GATB: variants seen among roughly 807,000 people sequenced by gnomAD.
GATB encodes glutamyl-tRNA amidotransferase subunit B.
In GATB, 39 loss-of-function variants were observed where a neutral mutation model predicts 62.3. The observed-to-expected ratio is 0.63, with a 90% confidence interval of 0.48 to 0.82. The LOEUF is 0.82. Among genes scored for constraint, GATB ranks in the 40% least tolerant of loss-of-function variants. The pLI is 0.00. For missense variants in GATB, 670 were observed against 684.0 expected (o/e 0.98, Z 0.23); for synonymous variants, 276 against 258.9 (o/e 1.07, Z -0.63).
chr4:151,747,332 G>A (rs190206023), intron 2 of GATB, among the ~76,000 whole-genome samples: 403 of 152,314 alleles, frequency 2.6e-3, no homozygotes, highest in Middle Eastern at 6.8e-3. Context: ...CCACCAACTG[G>A]AGGGGTTGCT....
chr4:151,671,288 C>G lies in GATB; in HGVS notation c.1560G>C (p.Lys520Asn), dbSNP rs1210466394. 2 of 1,609,964 alleles carry G rather than the reference C, an allele frequency of 1.2e-6. No individual in the cohort carries two copies. Among genetic ancestry groups the G allele is most frequent in the Non-Finnish European group, 1.7e-6 (2 of 1,179,462 alleles). ...EAHPQVVMDVKNRNPRAINKL... is the reference protein window; with the variant it reads ...EAHPQVVMDVNNRNPRAINKL... ...TATTTATAGCTCTGGGGTTTCTGTT[C>G]TTCACATCCATTACCTAGAAGGACA... Residue 520 changes from lysine (K) to asparagine (N), a missense_variant, in exon 13 of 13, where the codon AAG becomes AAC. Physicochemically the swap from Lys to Asn is moderately conservative, Grantham distance 94 (BLOSUM62 0). Coordinates refer to ENST00000263985, the MANE Select transcript of GATB (RefSeq NM_004564.3).
intron 11 of GATB, chr4:151,675,053 C>G (rs1297994318): frequency 6.6e-6 from 1 of 152,290 alleles, no homozygotes. Flanking sequence ...ACGGGACCCA[C>G]AGCTCGAATG....
At chr4:151,728,562 A>G (rs2126984466) in intron 2 of GATB, among the ~76,000 whole-genome samples, 1 of 152,330 alleles carries the variant, frequency 6.6e-6, no homozygotes, top group Non-Finnish European at 1.5e-5. Flanking sequence ...GCTAAAACAC[A>G]AACTCATTCA....
intron 12 of GATB, among the ~76,000 whole-genome samples, chr4:151,672,155 A>ATCTC (rs1476343122): frequency 6.6e-6 from 1 of 152,194 alleles, no homozygotes; most frequent in Non-Finnish European, 1.5e-5. Flanking sequence ...CTGAAAAAAT[A>ATCTC]TCTCTAGACA....
At chr4:151,737,346 CTT>C (rs1739396603) in intron 2 of GATB, among the ~76,000 whole-genome samples, 1 of 152,144 alleles carries the variant, frequency 6.6e-6, no homozygotes, top group Non-Finnish European at 1.5e-5. Flanking sequence ...ATGTGTGGAA[CTT>C]TGAACTTGAG....
chr4:151,709,150 T>A (rs1467551794), intron 5 of GATB, among the ~76,000 whole-genome samples: 1 of 152,210 alleles, frequency 6.6e-6, no homozygotes, highest in Non-Finnish European at 1.5e-5. Flanking sequence ...AGCAAAAGCA[T>A]ATTAAAATAA....
rs140811555 is a variant in GATB, at chr4:151,725,259, G to A, written c.328-5721C>T. 1.1e-4 allele frequency among the ~76,000 whole-genome samples: 16 copies of A among 152,346 alleles called. No homozygotes were observed. The East Asian group carries it at 3.1e-3, about 29-fold the overall frequency. ...CTCTAGTCTTCTATCAGAGCCTCCT[G>A]CTGGCCTAACCCAGCCAGAAGCCAG... On this transcript the variant is annotated intron_variant, in intron 2 of 12. Coordinates refer to ENST00000263985, the MANE Select transcript of GATB (RefSeq NM_004564.3).
At chr4:151,699,267 G>A (rs1333924111) in intron 9 of GATB, among the ~76,000 whole-genome samples, 12 of 151,572 alleles carry the variant, frequency 7.9e-5, no homozygotes. Flanking sequence ...CGCATGCCTG[G>A]AATCCCAGCT....
intron 9 of GATB, among the ~76,000 whole-genome samples, chr4:151,695,064 G>T (rs1738440598): frequency 6.6e-6 from 1 of 152,216 alleles, no homozygotes; most frequent in Non-Finnish European, 1.5e-5. Flanking sequence ...CAAGCATATG[G>T]CAGCCCAGGG....
chr4:151,680,276 C>CT (rs1738112732), intron 10 of GATB, among the ~76,000 whole-genome samples: 2 of 112,378 alleles, frequency 1.8e-5, no homozygotes, highest in Admixed American at 1.8e-4. Flanking sequence ...CTAAAAATTA[C>CT]TTAAAAAAAA....
At chr4:151,695,584 T>G (rs1310720961) in intron 9 of GATB, among the ~76,000 whole-genome samples, 1 of 152,070 alleles carries the variant, frequency 6.6e-6, no homozygotes, top group East Asian at 1.9e-4. Flanking sequence ...ACCGACGAGC[T>G]TCAGATCTTC....
intron 10 of GATB, among the ~76,000 whole-genome samples, chr4:151,680,326 G>A (rs112377746): frequency 4.7e-5 from 7 of 150,504 alleles, no homozygotes; most frequent in African/African-American, 1.5e-4. Flanking sequence ...GAGTGTTTCT[G>A]TGCAAATATA....
At chr4:151,713,115 T>C (rs1332935675) in intron 5 of GATB, among the ~76,000 whole-genome samples, 3 of 152,040 alleles carry the variant, frequency 2.0e-5, no homozygotes, top group Admixed American at 2.0e-4. Flanking sequence ...GTGCTCCTTA[T>C]AAGAATCTAC....
chr4:151,677,903 T>C (rs1456585571), intron 11 of GATB: 1 of 152,218 alleles, frequency 6.6e-6, no homozygotes, highest in African/African-American at 2.4e-5. Flanking sequence ...ACTTCAGTTT[T>C]TGAAAGTCTT....
intron 6 of GATB, among the ~76,000 whole-genome samples, chr4:151,707,454 T>A (rs1738736609): frequency 2.0e-5 from 3 of 152,176 alleles, no homozygotes. Context: ...CCACCATGCC[T>A]GGCTAAATTT....
intron 1 of GATB, among the ~76,000 whole-genome samples, chr4:151,760,025 T>C (rs1422538055): frequency 6.6e-6 from 1 of 152,196 alleles, no homozygotes; most frequent in Non-Finnish European, 1.5e-5. Context: ...GTACTTTCCA[T>C]TCACAAGGAA....
chr4:151,736,461 T>C (rs935744286), intron 2 of GATB, among the ~76,000 whole-genome samples: 5 of 152,362 alleles, frequency 3.3e-5, no homozygotes, highest in African/African-American at 1.2e-4. Context: ...TGTATATGTA[T>C]ATTTATCAAT....
intron 5 of GATB, among the ~76,000 whole-genome samples, chr4:151,709,730 C>T (rs1016718727): frequency 3.3e-5 from 5 of 151,994 alleles, no homozygotes; most frequent in Non-Finnish European, 5.9e-5. Flanking sequence ...AACACAGTTC[C>T]CTCCTTGTCC....
At chr4:151,673,075 CTCCTGAGGCA>C (rs1737909410) in intron 11 of GATB, 179 bp from the exon 12 acceptor site, 1 of 676,130 alleles carries the variant, frequency 1.5e-6, no homozygotes, top group East Asian at 2.7e-5. Context: ...AGCGTTGGCT[CTCCTGAGGCA>C]TCCCTGAGTG....
Sources: allele counts gnomAD v4.1 joint callset (sites outside exome capture counted in the v4.1 genomes callset), GRCh38; gene constraint gnomAD v4.1.1; transcripts MANE v1.5; gene names NCBI Gene and HGNC (gene_info 2026-07-23, HGNC 2026-07-21).